The following DMD variants were observed in gnomAD, a reference collection of about 807,000 sequenced individuals.
The protein encoded by DMD is mutant dystrophin.
Under a neutral mutation model 330.1 loss-of-function variants are expected in DMD, and 63 were observed. The observed-to-expected ratio is 0.19, with a 90% CI of 0.16 to 0.24. The LOEUF (loss-of-function observed/expected upper bound fraction) is 0.24, where lower values mean the gene tolerates loss of function less well. DMD is among the 10% of genes least tolerant of loss of function. The probability of loss-of-function intolerance (pLI) is 1.00; values close to 1 mark genes in which losing one functional copy is unlikely to be tolerated. For synonymous variants in DMD, 1,223 were observed against 959.8 expected, an observed-to-expected ratio of 1.27 and a Z score of -5.07; for missense variants, 3,344 against 2,684.1, an observed-to-expected ratio of 1.25 and a Z score of -5.43.
intron 57 of DMD, among the ~76,000 whole-genome samples, chrX:31,483,330 G>A (rs1284813723): frequency 4.5e-5 from 5 of 111,694 alleles, no homozygotes; most frequent in African/African-American, 1.3e-4. Flanking sequence ...ACAGGCGTGA[G>A]CCACCACGCC....
At chrX:31,465,969 C>T (rs1298499325) in intron 59 of DMD, among the ~76,000 whole-genome samples, 3 of 112,107 alleles carry the variant, frequency 2.7e-5, no homozygotes, top group South Asian at 3.7e-4. Flanking sequence ...GTTTGTTGGC[C>T]GCATAAATGT....
intron 6 of DMD, among the ~76,000 whole-genome samples, chrX:32,810,393 T>G (rs1469633939): frequency 9.0e-6 from 1 of 111,089 alleles, no homozygotes; most frequent in East Asian, 2.8e-4. Flanking sequence ...TTATCTCCAT[T>G]TAGTAATCAC....
chrX:32,842,236 C>G (rs1412626113), intron 4 of DMD, among the ~76,000 whole-genome samples: 2 of 112,205 alleles, frequency 1.8e-5, no homozygotes, highest in African/African-American at 3.2e-5. Flanking sequence ...CACACACTGT[C>G]CACACTGATT....
chrX:33,222,646 C>T (rs1396025249), intron 1 of DMD, among the ~76,000 whole-genome samples: 1 of 111,691 alleles, frequency 9.0e-6, no homozygotes, highest in South Asian at 3.7e-4. Flanking sequence ...TTCAAGCTAT[C>T]TATAAATAAT....
intron 44 of DMD, among the ~76,000 whole-genome samples, chrX:32,057,089 A>C (rs1483840560): frequency 9.0e-6 from 1 of 111,422 alleles, no homozygotes; most frequent in Non-Finnish European, 1.9e-5. Context: ...AAAACACACA[A>C]CAAACTAGGA....
At chrX:31,951,977 A>G (rs2095187102) in intron 45 of DMD, among the ~76,000 whole-genome samples, 1 of 110,644 alleles carries the variant, frequency 9.0e-6, no homozygotes, top group Non-Finnish European at 1.9e-5. Context: ...TTTTATGCGG[A>G]ATTCTTGGTT....
chrX:32,229,713 T>TAA (rs1557225996), intron 43 of DMD, among the ~76,000 whole-genome samples: 16 of 81,880 alleles, frequency 2.0e-4, no homozygotes, highest in African/African-American at 7.4e-4. Flanking sequence ...TATATATATA[T>TAA]ATATATATAT....
intron 51 of DMD, among the ~76,000 whole-genome samples, chrX:31,730,302 T>C (rs1170945403): frequency 1.8e-5 from 2 of 111,576 alleles, no homozygotes; most frequent in African/African-American, 6.5e-5. Context: ...CCAAACCTTT[T>C]TGCCTCCCTC....
At chrX:32,335,630 A>T (rs2097703786) in intron 41 of DMD, among the ~76,000 whole-genome samples, 1 of 107,426 alleles carries the variant, frequency 9.3e-6, no homozygotes, top group African/African-American at 3.4e-5. Context: ...TGTTATATAC[A>T]TAACATATAC....
chrX:31,258,594 T>C (rs992770794), intron 63 of DMD, among the ~76,000 whole-genome samples: 1 of 111,730 alleles, frequency 9.0e-6, no homozygotes, highest in African/African-American at 3.3e-5. Context: ...TACCTGAAAG[T>C]TGATTTCATA....
At chrX:31,820,141 G>A (rs2092720878) in intron 49 of DMD, 58 bp from the exon 50 acceptor site, 1 of 959,321 alleles carries the variant, frequency 1.0e-6, no homozygotes, top group Non-Finnish European at 1.5e-6. Context: ...GATAATTCAT[G>A]AACATCTTAA....
chrX:32,578,750 G>C (rs1439694746), intron 13 of DMD, among the ~76,000 whole-genome samples: 2 of 111,595 alleles, frequency 1.8e-5, no homozygotes, highest in African/African-American at 6.5e-5. Flanking sequence ...TTGGCGTTAA[G>C]AGATAGAGTG....
intron 44 of DMD, among the ~76,000 whole-genome samples, chrX:32,138,902 T>C (rs2147029810): frequency 8.9e-6 from 1 of 112,309 alleles, no homozygotes; most frequent in African/African-American, 3.2e-5. Context: ...ATTTGCTGCA[T>C]CCACATAATT....
intron 2 of DMD, among the ~76,000 whole-genome samples, chrX:32,983,759 T>C (rs1291689399): frequency 8.9e-6 from 1 of 111,816 alleles, no homozygotes; most frequent in African/African-American, 3.2e-5. Flanking sequence ...CTCCATAAAA[T>C]GTCAATTTTT....
At chrX:32,010,985 A>G (rs2095703968) in intron 44 of DMD, among the ~76,000 whole-genome samples, 1 of 112,342 alleles carries the variant, frequency 8.9e-6, no homozygotes, top group Admixed American at 9.4e-5. Context: ...TTATTAGTCC[A>G]AGAAATGTAG....
intron 1 of DMD, among the ~76,000 whole-genome samples, chrX:33,202,741 A>G (rs2051348590): frequency 8.9e-6 from 1 of 111,785 alleles, no homozygotes; most frequent in African/African-American, 3.3e-5. Context: ...TTCATAAGTA[A>G]TCATTTATGA....
At chrX:32,604,302 T>C (rs1363155231) in intron 12 of DMD, among the ~76,000 whole-genome samples, 2 of 109,792 alleles carry the variant, frequency 1.8e-5, no homozygotes, top group Non-Finnish European at 3.8e-5. Context: ...ACAAAAAACA[T>C]ATGATCATCT....
At chrX:31,371,770 A>T (rs2059585059) in intron 60 of DMD, among the ~76,000 whole-genome samples, 1 of 111,935 alleles carries the variant, frequency 8.9e-6, no homozygotes, top group African/African-American at 3.2e-5. Flanking sequence ...GGAGACAGAA[A>T]GAATATTGAT....
At chrX:32,872,645 A>C (rs2083087802) in intron 2 of DMD, among the ~76,000 whole-genome samples, 1 of 112,226 alleles carries the variant, frequency 8.9e-6, no homozygotes, top group Admixed American at 9.5e-5. Context: ...TCAAGGTATG[A>C]TCTTAAAAAG....
Sources: allele counts gnomAD v4.1 joint callset (sites outside exome capture counted in the v4.1 genomes callset), GRCh38; gene constraint gnomAD v4.1.1; transcripts MANE v1.5; gene names NCBI Gene and HGNC (gene_info 2026-07-23, HGNC 2026-07-21).